The following GABRB1 variants were observed in gnomAD, a reference collection of about 807,000 sequenced individuals.
The protein encoded by GABRB1 is gamma-aminobutyric acid receptor subunit beta-1.
Under a neutral mutation model 51.6 loss-of-function variants are expected in GABRB1, and 17 were observed. The observed-to-expected ratio is 0.33, with a 90% confidence interval of 0.23 to 0.49. The LOEUF (loss-of-function observed/expected upper bound fraction) is 0.49. Ranked by LOEUF, GABRB1 falls within the 20% of genes least tolerant of loss-of-function variation. The probability of loss-of-function intolerance (pLI) is 0.99; values close to 1 mark genes in which losing one functional copy is unlikely to be tolerated. For synonymous variants in GABRB1, 247 were observed against 218.9 expected (o/e 1.13, Z -1.14); for missense variants, 410 against 600.6 (o/e 0.68, Z 3.32).
chr4:47,160,136 G>A (rs1717874313), intron 3 of GABRB1, among the ~76,000 whole-genome samples: 1 of 152,032 alleles, frequency 6.6e-6, no homozygotes, highest in Non-Finnish European at 1.5e-5. Context: ...CATTTATAGT[G>A]AGCCCAATAT....
At chr4:47,272,251 T>C (rs1176922890) in intron 4 of GABRB1, among the ~76,000 whole-genome samples, 1 of 152,188 alleles carries the variant, frequency 6.6e-6, no homozygotes, top group African/African-American at 2.4e-5. Flanking sequence ...TTACTTCAAC[T>C]ATGTCTTTGT....
At chr4:47,040,861 G>A (rs1725808730) in intron 3 of GABRB1, among the ~76,000 whole-genome samples, 1 of 152,078 alleles carries the variant, frequency 6.6e-6, no homozygotes, top group Non-Finnish European at 1.5e-5. Flanking sequence ...TTTTATCTAG[G>A]AGGACCTAGA....
intron 3 of GABRB1, among the ~76,000 whole-genome samples, chr4:47,034,558 G>T (rs1725469206): frequency 6.6e-6 from 1 of 152,112 alleles, no homozygotes; most frequent in Non-Finnish European, 1.5e-5. Context: ...CAATGTTACA[G>T]ACATGATTAG....
Position 47,031,613 on chromosome 4 carries a change from T to C in GABRB1, c.-39T>C, listed in dbSNP as rs746299496. ...AGCCGACTAAGTTGCATTCCTTGAATCTTCGCAGAAAAGACAATTCTTTTA... is the reference window on the plus strand; with the variant it reads ...AGCCGACTAAGTTGCATTCCTTGAACCTTCGCAGAAAAGACAATTCTTTTA... On this transcript the variant is annotated 5_prime_UTR_variant, in exon 1 of 9. Coordinates refer to ENST00000295454, the MANE Select transcript of GABRB1 (RefSeq NM_000812.4). 28 of 1,548,596 alleles carry C rather than the reference T, an allele frequency of 1.8e-5. 1 individual carries two copies. Among genetic ancestry groups the C allele is most frequent in the Middle Eastern group, 1.7e-4 (1 of 5,962 alleles).
At chr4:47,089,693 T>C (rs1313509849) in intron 3 of GABRB1, among the ~76,000 whole-genome samples, 2 of 152,206 alleles carry the variant, frequency 1.3e-5, no homozygotes, top group Non-Finnish European at 2.9e-5. Context: ...ATAATCAAAA[T>C]ATTCAGATAA....
In GABRB1 at chr4:47,184,776, A is replaced by G. The variant is rs142073466; in HGVS notation, c.461+23307A>G. ...CATGGCTCCCAGGCTGTCCACCTCA[A>G]CCTTCACGGAAATACGCCTGAATTT... On this transcript the variant is annotated intron_variant, in intron 4 of 8. Coordinates refer to ENST00000295454, the MANE Select transcript of GABRB1 (RefSeq NM_000812.4). Among the ~76,000 whole-genome samples, 526 of 151,932 alleles carry G rather than the reference A, an allele frequency of 3.5e-3. 3 individuals carry two copies. Among genetic ancestry groups the G allele is most frequent in the African/African-American group, 0.012 (513 of 41,506 alleles).
chr4:47,282,882 T>C (rs565755121), intron 4 of GABRB1, among the ~76,000 whole-genome samples: 9 of 152,272 alleles, frequency 5.9e-5, no homozygotes, highest in African/African-American at 2.2e-4. Flanking sequence ...AAGGTGGCCA[T>C]GGTACTTGAC....
intron 5 of GABRB1, among the ~76,000 whole-genome samples, chr4:47,378,643 C>G (rs1484970618): frequency 6.6e-6 from 1 of 152,184 alleles, no homozygotes; most frequent in Non-Finnish European, 1.5e-5. Context: ...CACCACCACG[C>G]CCAGCTAATT....
Position 47,341,319 on chromosome 4 carries a change from G to T in GABRB1, c.544+21110G>T, listed in dbSNP as rs1456386610. Among the ~76,000 whole-genome samples, 3 of 151,854 alleles carry T rather than the reference G, an allele frequency of 2.0e-5. 1 individual carries two copies. The highest frequency in any genetic ancestry group is 2.0e-4 in the Admixed American group (3 of 15,222). On this transcript the variant is annotated intron_variant, in intron 5 of 8. Transcript: ENST00000295454. ...ATGTCATTTCTTGATTCATTGTTTC[G>T]ATCCCACAACACCAGTGGCCATGCT...
chr4:47,374,432 G>A (rs546602526), intron 5 of GABRB1, among the ~76,000 whole-genome samples: 34 of 152,304 alleles, frequency 2.2e-4, no homozygotes, highest in Admixed American at 2.1e-3. Context: ...CAAGCTGACA[G>A]GAAACTGAAA....
intron 4 of GABRB1, among the ~76,000 whole-genome samples, chr4:47,212,235 C>T (rs970910190): frequency 6.6e-6 from 1 of 152,224 alleles, no homozygotes; most frequent in Non-Finnish European, 1.5e-5. Flanking sequence ...TGCTCTTCCA[C>T]CTCTGATCTC....
chr4:47,294,709 T>C (rs890793601), intron 4 of GABRB1, among the ~76,000 whole-genome samples: 3 of 152,194 alleles, frequency 2.0e-5, no homozygotes, highest in Admixed American at 1.3e-4. Flanking sequence ...AGCAGTAACC[T>C]CTGCAGACTT....
At chr4:47,338,185 TCTC>T (rs768444772) in intron 5 of GABRB1, among the ~76,000 whole-genome samples, 1 of 152,176 alleles carries the variant, frequency 6.6e-6, no homozygotes, top group Admixed American at 6.5e-5. Context: ...AAAGCTCTCT[TCTC>T]CTTTGCTCTG....
intron 4 of GABRB1, among the ~76,000 whole-genome samples, chr4:47,242,957 T>C (rs1721587628): frequency 6.6e-6 from 1 of 152,232 alleles, no homozygotes; most frequent in African/African-American, 2.4e-5. Context: ...ATGAAGTCTT[T>C]GCCCTTGCCT....
At chr4:47,366,712 T>A (rs1318696327) in intron 5 of GABRB1, among the ~76,000 whole-genome samples, 1 of 152,188 alleles carries the variant, frequency 6.6e-6, no homozygotes, top group Non-Finnish European at 1.5e-5. Context: ...AATAATGTCA[T>A]GTGGCAGAGG....
chr4:47,005,960 A>G (rs1724385679), intron 1 of GABRB1, among the ~76,000 whole-genome samples: 1 of 149,480 alleles, frequency 6.7e-6, no homozygotes, highest in African/African-American at 2.5e-5. Context: ...TTACTTAAAA[A>G]CTTGGAAGTA....
At chr4:47,212,718 T>A (rs1475635104) in intron 4 of GABRB1, among the ~76,000 whole-genome samples, 1 of 152,058 alleles carries the variant, frequency 6.6e-6, no homozygotes, top group African/African-American at 2.4e-5. Flanking sequence ...ACCCCCTTCT[T>A]TTCATAAGAC....
chr4:47,174,913 CTTCCTTCCTTCCTTCT>C (rs1718603141), intron 4 of GABRB1, among the ~76,000 whole-genome samples: 2 of 125,278 alleles, frequency 1.6e-5, no homozygotes, highest in Non-Finnish European at 3.3e-5. Context: ...TCCTTCTTTC[CTTCCTTCCTTCCTTCT>C]TTCCTTCCTT....
At chr4:47,323,222 A>G (rs374114723) in intron 5 of GABRB1, among the ~76,000 whole-genome samples, 47 of 152,330 alleles carry the variant, frequency 3.1e-4, no homozygotes, top group African/African-American at 1.1e-3. Context: ...CCTTGATTCT[A>G]TTGATGTTAC....
Sources: allele counts gnomAD v4.1 joint callset (sites outside exome capture counted in the v4.1 genomes callset), GRCh38; gene constraint gnomAD v4.1.1; transcripts MANE v1.5; gene names NCBI Gene and HGNC (gene_info 2026-07-23, HGNC 2026-07-21).